Variants in LOC128706666 observed in about 807,000 individuals in gnomAD.
the LOC128706666 span, among the ~76,000 whole-genome samples, chr20:10,428,767 A>AG: frequency 6.6e-6 from 1 of 152,200 alleles, no homozygotes; most frequent in Non-Finnish European, 1.5e-5. Context: ...TGAATCCAGG[A>AG]GGCAGAGGTT....
chr20:10,415,714 T>C, the LOC128706666 span, among the ~76,000 whole-genome samples: 1 of 152,210 alleles, frequency 6.6e-6, no homozygotes, highest in African/African-American at 2.4e-5. Flanking sequence ...CAATAAAAAC[T>C]ATGATTAAGA....
At chr20:10,418,286 G>A in the LOC128706666 span, among the ~76,000 whole-genome samples, 4 of 152,140 alleles carry the variant, frequency 2.6e-5, no homozygotes, top group African/African-American at 9.7e-5. Flanking sequence ...TGGTTGTGGC[G>A]AAATGCCCTT....
chr20:10,422,085 T>C, the LOC128706666 span, among the ~76,000 whole-genome samples: 3 of 152,286 alleles, frequency 2.0e-5, no homozygotes, highest in East Asian at 1.9e-4. Context: ...CTGAGTTAAA[T>C]AGTCTGAACC....
At chr20:10,418,281 G>A in the LOC128706666 span, among the ~76,000 whole-genome samples, 1 of 152,198 alleles carries the variant, frequency 6.6e-6, no homozygotes, top group African/African-American at 2.4e-5. Flanking sequence ...AAAGCTGGTT[G>A]TGGCGAAATG....
At chr20:10,414,265 CTTTT>C in the LOC128706666 span, among the ~76,000 whole-genome samples, 3 of 132,350 alleles carry the variant, frequency 2.3e-5, no homozygotes, top group Non-Finnish European at 3.2e-5. Context: ...GTCTCTGAGT[CTTTT>C]TTTTTTTTTT....
At chr20:10,413,738 C>T in the LOC128706666 span, 3 of 605,454 alleles carry the variant, frequency 5.0e-6, no homozygotes, top group Non-Finnish European at 8.7e-6. Context: ...TTTTACTTCA[C>T]TCTTCAATAC....
chr20:10,417,742 G>T, the LOC128706666 span, among the ~76,000 whole-genome samples: 1 of 151,860 alleles, frequency 6.6e-6, no homozygotes, highest in Non-Finnish European at 1.5e-5. Flanking sequence ...GATTACCTAG[G>T]ATCTATTCCA....
At chr20:10,425,053 C>CA in the LOC128706666 span, among the ~76,000 whole-genome samples, 382 of 122,272 alleles carry the variant, frequency 3.1e-3, 1 homozygote, top group African/African-American at 7.0e-3. Context: ...AACTCCGTCT[C>CA]AAAAAAAAAA....
chr20:10,422,993 G>A, the LOC128706666 span, among the ~76,000 whole-genome samples: 1 of 152,122 alleles, frequency 6.6e-6, no homozygotes, highest in Non-Finnish European at 1.5e-5. Context: ...TTACAGGTGT[G>A]AGCCACTGCG....
At chr20:10,414,941 T>C in the LOC128706666 span, among the ~76,000 whole-genome samples, 1 of 152,160 alleles carries the variant, frequency 6.6e-6, no homozygotes, top group Non-Finnish European at 1.5e-5. Context: ...TTAATGACAG[T>C]ACATGCAAAA....
the LOC128706666 span, among the ~76,000 whole-genome samples, chr20:10,433,140 A>G: frequency 6.6e-6 from 1 of 152,234 alleles, no homozygotes; most frequent in Admixed American, 6.5e-5. Flanking sequence ...AGTAGCTGGG[A>G]TTACAGGCGT....
the LOC128706666 span, among the ~76,000 whole-genome samples, chr20:10,428,835 C>A: frequency 9.3e-6 from 1 of 107,960 alleles, no homozygotes; most frequent in African/African-American, 3.4e-5. Flanking sequence ...CAGAGCAAGA[C>A]TCCGTCTCAA....
chr20:10,428,129 C>T, the LOC128706666 span, among the ~76,000 whole-genome samples: 2 of 152,204 alleles, frequency 1.3e-5, no homozygotes, highest in Admixed American at 1.3e-4. Context: ...AAGTGATTAA[C>T]AACTAATGAG....
chr20:10,429,619 T>C, the LOC128706666 span, among the ~76,000 whole-genome samples: 2 of 152,200 alleles, frequency 1.3e-5, no homozygotes, highest in Admixed American at 1.3e-4. Context: ...TACTAAGCCA[T>C]TCAATTCAGA....
the LOC128706666 span, among the ~76,000 whole-genome samples, chr20:10,414,199 T>C: frequency 3.3e-5 from 5 of 151,926 alleles, no homozygotes; most frequent in African/African-American, 9.7e-5. Context: ...AGCACAGTTA[T>C]TTGAATATGG....
chr20:10,419,169 C>A, the LOC128706666 span, among the ~76,000 whole-genome samples: 2 of 152,046 alleles, frequency 1.3e-5, no homozygotes, highest in Non-Finnish European at 2.9e-5. Flanking sequence ...AAGAGCAGAA[C>A]CTTACACTCA....
chr20:10,421,099 AGAGT>A, the LOC128706666 span, among the ~76,000 whole-genome samples: 1 of 150,972 alleles, frequency 6.6e-6, no homozygotes, highest in African/African-American at 2.4e-5. Flanking sequence ...GAGCCACAAT[AGAGT>A]AAGAGCCTTT....
chr20:10,426,041 T>C, the LOC128706666 span, among the ~76,000 whole-genome samples: 1 of 152,276 alleles, frequency 6.6e-6, no homozygotes, highest in African/African-American at 2.4e-5. Flanking sequence ...ATGTGGATTA[T>C]GCTTTTCATA....
the LOC128706666 span, among the ~76,000 whole-genome samples, chr20:10,426,441 T>A: frequency 6.6e-6 from 1 of 152,246 alleles, no homozygotes; most frequent in Non-Finnish European, 1.5e-5. Flanking sequence ...AGTCTCACTC[T>A]GTTGCCCAAG....
Sources: allele counts gnomAD v4.1 joint callset (sites outside exome capture counted in the v4.1 genomes callset), GRCh38; gene constraint gnomAD v4.1.1; transcripts MANE v1.5.